LSM8: variants seen among roughly 807,000 people sequenced by gnomAD.
The protein encoded by LSM8 is LSM8 U6 small nuclear RNA associated.
LSM8 carries 14 observed loss-of-function variants against 15.0 expected under a neutral mutation model. The ratio of observed to expected loss-of-function variants is 0.93; its 90% CI spans 0.62 to 1.46. The LOEUF (loss-of-function observed/expected upper bound fraction) is 1.46. Among genes scored for constraint, LSM8 ranks in the 40% most tolerant of loss-of-function variants. LSM8 has a pLI of 0.00. For synonymous variants in LSM8, 50 were observed against 42.1 expected (o/e 1.19, Z -0.73); for missense variants, 90 against 115.4 (o/e 0.78, Z 1.01).
intron 1 of LSM8, chr7:118,185,418 C>T (rs1229412910): frequency 2.2e-6 from 1 of 449,126 alleles, no homozygotes; most frequent in African/African-American, 2.0e-5. Context: ...GGTCACCAGG[C>T]CAGGGTAATA....
At position 118,184,167 on chromosome 7, in the gene LSM8, T is replaced by G; in HGVS notation, c.-57T>G. 6.5e-7 allele frequency: 1 copy of G among 1,543,554 alleles called. No homozygotes were observed. The highest frequency in any genetic ancestry group is 1.2e-5 in the South Asian group (1 of 83,822). On this transcript the variant is annotated 5_prime_UTR_variant, in exon 1 of 4. Transcript: ENST00000249299. ...CGCTGCCGGGTTCTGGCGCGCCCTTTCAGTTCTGCTTGCTGTCGGCACCGC... is the reference window on the plus strand; with the variant it reads ...CGCTGCCGGGTTCTGGCGCGCCCTTGCAGTTCTGCTTGCTGTCGGCACCGC...
chr7:118,188,932 A>G (rs1486086800), intron 3 of LSM8: 1 of 152,336 alleles, frequency 6.6e-6, no homozygotes, highest in Non-Finnish European at 1.5e-5. Context: ...CACACTTAAG[A>G]TGTCCCTGTG....
rs1253104101 is a variant in LSM8, at chr7:118,203,408, G to C, written c.*11406G>C. ...GAGGTCCTAATATCCAATATTAATA[G>C]AGCTGTGATTATTCAAGCTGTAGAC... On this transcript the variant is annotated 3_prime_UTR_variant, in exon 4 of 4. Transcript: ENST00000249299. Among the ~76,000 whole-genome samples, 1 of 151,934 alleles carries C rather than the reference G, an allele frequency of 6.6e-6. No homozygotes were observed. Among genetic ancestry groups the C allele is most frequent in the East Asian group, 1.9e-4 (1 of 5,184 alleles).
At chr7:118,184,408 G>A in intron 1 of LSM8, 154 bp downstream of exon 1, 2 of 879,622 alleles carry the variant, frequency 2.3e-6, no homozygotes, top group South Asian at 5.2e-5. Flanking sequence ...CGCCGGCGGC[G>A]CCTCGAGCCT....
At position 118,188,307 on chromosome 7, in the gene LSM8, T is replaced by C; in HGVS notation, c.102T>C (p.Ile34=). 3.1e-6 allele frequency: 5 copies of C among 1,613,588 alleles called. No individual in the cohort carries two copies. The highest frequency in any genetic ancestry group is 4.2e-6 in the Non-Finnish European group (5 of 1,179,512). The change falls in exon 3 of 4, where the codon ATT becomes ATC. Residue 34 remains isoleucine (I), a synonymous_variant. Coordinates refer to ENST00000249299, the MANE Select transcript of LSM8 (RefSeq NM_016200.5). The stretch of plus-strand genomic sequence containing the variant: ...CACTGAAAGGTTTTGACCAGACCAT[T>C]AATTTGATTTTGGATGAAAGCCATG... ...VGTLKGFDQT[I]NLILDESHER... is the part of the protein sequence containing the mutation.
intron 2 of LSM8, among the ~76,000 whole-genome samples, chr7:118,186,905 A>G (rs1417065506): frequency 6.6e-6 from 1 of 152,144 alleles, no homozygotes; most frequent in African/African-American, 2.4e-5. Flanking sequence ...TTTGGTGAAA[A>G]CCTTAAGTTT....
rs151253307 is a variant in LSM8, at chr7:118,202,148, C to T, written c.*10146C>T. Among the ~76,000 whole-genome samples the T allele has an allele frequency of 0.011, 1,633 of 152,174 alleles. 28 individuals carry two copies. Among genetic ancestry groups the T allele is most frequent in the African/African-American group, 0.037 (1,534 of 41,536 alleles). ...TTCTGGGGATGTCTTGAAATAGATA[C>T]ATTGGCAGTTTTTTTGTTTTTGTTT... On this transcript the variant is annotated 3_prime_UTR_variant, in exon 4 of 4. Transcript: ENST00000249299.
rs1270970132 is a variant in LSM8, at chr7:118,197,678, A to G, written c.*5676A>G. 1.6e-4 allele frequency among the ~76,000 whole-genome samples: 24 copies of G among 152,214 alleles called. No individual in the cohort carries two copies. The highest frequency in any genetic ancestry group is 1.5e-3 in the Admixed American group (23 of 15,284). On this transcript the variant is annotated 3_prime_UTR_variant, in exon 4 of 4. Coordinates refer to ENST00000249299, the MANE Select transcript of LSM8 (RefSeq NM_016200.5). ...CTTTATTTTAATTGTGATTCTGCTAATTACAGAGACACTTCAATTCACACT... is the reference window on the plus strand; with the variant it reads ...CTTTATTTTAATTGTGATTCTGCTAGTTACAGAGACACTTCAATTCACACT...
chr7:118,192,286 T>A lies in LSM8; in HGVS notation c.*284T>A, dbSNP rs1362291685. 4.2e-6 allele frequency: 1 copy of A among 236,776 alleles called. No homozygotes were observed. The highest frequency in any genetic ancestry group is 2.3e-5 in the African/African-American group (1 of 43,590). The allele number at this position is 236,776 out of a possible 1,614,324, so 14.7% of individuals were successfully genotyped here. Reference sequence around the variant, plus strand: ...AAAGTAGTACTTTTTGATACTTTAGTATTTATGGAAACTAGTGGAAAAGAG... The same window carrying A: ...AAAGTAGTACTTTTTGATACTTTAGAATTTATGGAAACTAGTGGAAAAGAG... On this transcript the variant is annotated 3_prime_UTR_variant, in exon 4 of 4. Coordinates refer to ENST00000249299, the MANE Select transcript of LSM8 (RefSeq NM_016200.5).
At position 118,196,434 on chromosome 7, in the gene LSM8, T is replaced by G. The variant is rs1483588587; in HGVS notation, c.*4432T>G. 2.0e-5 allele frequency among the ~76,000 whole-genome samples: 3 copies of G among 152,090 alleles called. No homozygotes were observed. The highest frequency in any genetic ancestry group is 2.9e-5 in the Non-Finnish European group (2 of 68,006). On this transcript the variant is annotated 3_prime_UTR_variant, in exon 4 of 4. Coordinates refer to ENST00000249299, the MANE Select transcript of LSM8 (RefSeq NM_016200.5). ...TTTTTTTTCTTTTAAGATTGCTAAG[T>G]CTGTAGGTTGCATAATTCTAAGGAT...
intron 2 of LSM8, 106 bp from the exon 3 acceptor site, chr7:118,188,172 G>C (rs1808917275): frequency 7.9e-7 from 1 of 1,262,198 alleles, no homozygotes; most frequent in Admixed American, 1.8e-5. Flanking sequence ...CGTCGTATAG[G>C]TACTTGTATT....
rs1283948343 is a variant in LSM8 at position 118,201,258 on chromosome 7, A to G, written c.*9256A>G. Reference sequence around the variant, plus strand: ...ATCTAGCTGAATTTCCTTTATATTAAAGAAGAGGAGAAAATCTTAATACTA... The same window carrying G: ...ATCTAGCTGAATTTCCTTTATATTAGAGAAGAGGAGAAAATCTTAATACTA... On this transcript the variant is annotated 3_prime_UTR_variant, in exon 4 of 4. Transcript: ENST00000249299. 1.3e-5 allele frequency among the ~76,000 whole-genome samples: 2 copies of G among 152,034 alleles called. No homozygotes were observed. The highest frequency in any genetic ancestry group is 2.9e-5 in the Non-Finnish European group (2 of 67,976).
At chr7:118,184,508 TA>T (rs1017970943) in intron 1 of LSM8, 74 of 398,650 alleles carry the variant, frequency 1.9e-4, no homozygotes, top group Non-Finnish European at 2.6e-4. Flanking sequence ...TTTTCTGTCT[TA>T]AAAAAAATGT....
At chr7:118,188,535 A>C in intron 3 of LSM8, 130 bp downstream of exon 3, 5 of 804,712 alleles carry the variant, frequency 6.2e-6, no homozygotes, top group Non-Finnish European at 9.2e-6. Flanking sequence ...TTCTTTCGTA[A>C]ATATACCTTT....
chr7:118,185,895 G>A (rs985342823), intron 2 of LSM8, among the ~76,000 whole-genome samples: 3 of 151,968 alleles, frequency 2.0e-5, no homozygotes, highest in African/African-American at 4.8e-5. Context: ...AAGGTTTCTC[G>A]GAGCTAGAAT....
At chr7:118,191,687 G>A in intron 3 of LSM8, 1 of 475,252 alleles carries the variant, frequency 2.1e-6, no homozygotes. Flanking sequence ...ATTGGTTCCT[G>A]TAATAATGTG....
chr7:118,202,578 T>C lies in LSM8; in HGVS notation c.*10576T>C, dbSNP rs374482093. On this transcript the variant is annotated 3_prime_UTR_variant, in exon 4 of 4. Transcript: ENST00000249299. ...CCCAACTATAACCAGCAGACTATAC[T>C]GGCAAAATATACTGCTTGAATGCCA... Among the ~76,000 whole-genome samples the C allele has an allele frequency of 6.6e-6, 1 of 152,042 alleles. No homozygotes were observed.
At chr7:118,184,368 G>A (rs1159701156) in intron 1 of LSM8, 114 bp downstream of exon 1, 5 of 1,259,498 alleles carry the variant, frequency 4.0e-6, no homozygotes, top group Non-Finnish European at 5.2e-6. Context: ...GGCGGGCGAG[G>A]AGATGAGGGC....
chr7:118,188,348 C>G lies in LSM8; in HGVS notation c.143C>G (p.Ser48Cys). Residue 48 changes from serine to cysteine, a missense_variant, in exon 3 of 4, where the codon TCT becomes TGT. Coordinates refer to ENST00000249299, the MANE Select transcript of LSM8 (RefSeq NM_016200.5). ...GAAAGCCATGAACGAGTATTCAGCT[C>G]TTCACAGGGGGTAGAACAAGTGGTA... The part of the protein sequence containing the change: ...LDESHERVFS[S>C]SQGVEQVVLG... 6.2e-7 allele frequency: 1 copy of G among 1,613,508 alleles called. No individual in the cohort carries two copies. The highest frequency in any genetic ancestry group is 1.1e-5 in the South Asian group (1 of 91,048).
Sources: gnomAD v4.1 joint callset for allele counts (sites outside exome capture counted in the v4.1 genomes callset) on GRCh38, gnomAD v4.1.1 for gene constraint, MANE v1.5 for transcripts, NCBI Gene and HGNC (gene_info 2026-07-23, HGNC 2026-07-21) for gene names.